Variants in CFAP251 observed in about 807,000 individuals in gnomAD.
CFAP251 encodes the protein cilia- and flagella-associated protein 251.
A neutral mutation model predicts 126.7 loss-of-function variants in CFAP251; 93 were observed. The observed-to-expected ratio is 0.73, with a 90% CI of 0.62 to 0.87. The LOEUF (loss-of-function observed/expected upper bound fraction) is 0.87, where lower values mean the gene tolerates loss of function less well. Ranked by LOEUF, CFAP251 falls within the 40% of genes least tolerant of loss-of-function variation. The probability of loss-of-function intolerance (pLI) is 0.00; values close to 1 mark genes in which losing one functional copy is unlikely to be tolerated. For missense variants in CFAP251, 1,287 were observed against 1,389.2 expected (o/e 0.93, Z 1.17); for synonymous variants, 503 against 506.9 (o/e 0.99, Z 0.10).
Position 121,990,478 on chromosome 12 carries a change from G to A in CFAP251, c.3007-9238G>A, listed in dbSNP as rs185043143. On this transcript the variant is annotated intron_variant, in intron 19 of 21. Coordinates refer to ENST00000288912, the MANE Select transcript of CFAP251 (RefSeq NM_144668.6). ...GAATTGGGTGCATGGGCTCGGGGTG[G>A]GCACCTCCTCTGCACCCTCCTCCTC... 1.3e-3 allele frequency among the ~76,000 whole-genome samples: 197 copies of A among 152,240 alleles called. 1 individual carries two copies. Among genetic ancestry groups the A allele is most frequent in the African/African-American group, 4.2e-3 (173 of 41,532 alleles).
chr12:121,933,938 G>A (rs1326158738), intron 4 of CFAP251, among the ~76,000 whole-genome samples: 1 of 152,198 alleles, frequency 6.6e-6, no homozygotes, highest in African/African-American at 2.4e-5. Flanking sequence ...GACTCAGAGT[G>A]GCTGGGGGAG....
At chr12:121,954,045 A>G in intron 9 of CFAP251, 75 bp from the exon 10 acceptor site, 2 of 1,274,426 alleles carry the variant, frequency 1.6e-6, no homozygotes, top group East Asian at 2.3e-5. Context: ...GCATAGCATT[A>G]TAAAATATCG....
Position 121,960,751 on chromosome 12 carries a change from G to A in CFAP251, c.2300G>A (p.Arg767Lys), listed in dbSNP as rs756242508. The change falls in exon 14 of 22, where the codon AGG becomes AAG. Residue 767 changes from arginine to lysine, a missense_variant. Arg to Lys is a conservative substitution (Grantham distance 26). Coordinates refer to ENST00000288912, the MANE Select transcript of CFAP251 (RefSeq NM_144668.6). ...EPRLLSLGTD[R>K]LLIEYDLLRS... ...AGACTGCTGAGCCTTGGGACAGACA[G>A]GCTCTTGGTGAGCTGTTTAGTTTTC... 2 of 1,613,068 alleles carry A rather than the reference G, an allele frequency of 1.2e-6. No homozygotes were observed. Among genetic ancestry groups the A allele is most frequent in the East Asian group, 4.5e-5 (2 of 44,874 alleles).
intron 19 of CFAP251, among the ~76,000 whole-genome samples, chr12:121,986,535 G>A (rs1312881487): frequency 6.9e-6 from 1 of 144,148 alleles, no homozygotes; most frequent in Non-Finnish European, 1.5e-5. Flanking sequence ...CACTGACCTC[G>A]TGATCCTCCC....
chr12:121,977,883 C>T (rs1297936495), intron 19 of CFAP251, among the ~76,000 whole-genome samples: 2 of 150,742 alleles, frequency 1.3e-5, no homozygotes, highest in East Asian at 3.9e-4. Flanking sequence ...GGCGTGAACC[C>T]GGGAGGCGGA....
intron 19 of CFAP251, among the ~76,000 whole-genome samples, chr12:121,977,307 A>C (rs954489075): frequency 3.3e-5 from 5 of 152,238 alleles, no homozygotes; most frequent in African/African-American, 1.2e-4. Flanking sequence ...TCATATATGC[A>C]ATCTGTCATT....
intron 3 of CFAP251, among the ~76,000 whole-genome samples, chr12:121,925,871 G>A (rs1880388297): frequency 6.6e-6 from 1 of 152,052 alleles, no homozygotes; most frequent in Non-Finnish European, 1.5e-5. Flanking sequence ...TTGAGGTGGA[G>A]TCTTGCTCTG....
intron 14 of CFAP251, among the ~76,000 whole-genome samples, chr12:121,961,151 G>C (rs576769376): frequency 2.2e-4 from 33 of 152,280 alleles, no homozygotes; most frequent in South Asian, 4.1e-4. Context: ...TGTGAGATAA[G>C]AGGAAAAGGT....
At chr12:121,996,371 GC>G (rs1883021834) in intron 19 of CFAP251, among the ~76,000 whole-genome samples, 1 of 152,152 alleles carries the variant, frequency 6.6e-6, no homozygotes, top group Non-Finnish European at 1.5e-5. Flanking sequence ...CTAATTCCTA[GC>G]CCTTTCACTG....
At chr12:121,962,699 G>GA (rs4069667) in intron 15 of CFAP251, among the ~76,000 whole-genome samples, 11 of 114,164 alleles carry the variant, frequency 9.6e-5, no homozygotes, top group African/African-American at 2.5e-4. Flanking sequence ...GTGCAAAGAA[G>GA]AAAAAAAAAA....
rs996875905 is a variant in CFAP251, at chr12:121,968,867, C to T, written c.2771+698C>T. ...ACTCGGCAAGTGAATGATTTCCTTT[C>T]GTCTCTTCTTCCTGTAAGGGCATTT... On this transcript the variant is annotated intron_variant, in intron 17 of 21. Coordinates refer to ENST00000288912, the MANE Select transcript of CFAP251 (RefSeq NM_144668.6). 12 of 983,270 alleles carry T rather than the reference C, an allele frequency of 1.2e-5. No individual in the cohort carries two copies. The African/African-American group carries it at 1.7e-4, about 14-fold the overall frequency. 60.9% of individuals were successfully genotyped at this position (983,270 alleles called of 1,614,324 possible).
intron 19 of CFAP251, among the ~76,000 whole-genome samples, chr12:121,985,540 A>G (rs1040433955): frequency 1.3e-5 from 2 of 151,198 alleles, no homozygotes; most frequent in Admixed American, 1.3e-4. Context: ...CATCTCAAAA[A>G]AAAAAAAAAA....
At chr12:121,969,760 A>T (rs1490718828) in intron 17 of CFAP251, 1 of 985,096 alleles carries the variant, frequency 1.0e-6, no homozygotes, top group Non-Finnish European at 1.2e-6. Flanking sequence ...TACAGATGTG[A>T]GCCACTGCAC....
At chr12:121,946,830 C>G (rs1173463143) in intron 7 of CFAP251, among the ~76,000 whole-genome samples, 2 of 152,048 alleles carry the variant, frequency 1.3e-5, no homozygotes, top group Non-Finnish European at 1.5e-5. Context: ...CTTCCCACCT[C>G]AGTCTCCCAA....
intron 5 of CFAP251, among the ~76,000 whole-genome samples, chr12:121,937,322 C>G (rs1468331592): frequency 2.6e-5 from 4 of 152,216 alleles, no homozygotes; most frequent in Non-Finnish European, 5.9e-5. Context: ...ATGCATCCAT[C>G]TGTGTCTTCT....
In CFAP251 at chr12:121,968,096, T is replaced by A; in HGVS notation, c.2698T>A (p.Ser900Thr). 1 of 1,613,776 alleles carries A rather than the reference T, an allele frequency of 6.2e-7. No homozygotes were observed. The highest frequency in any genetic ancestry group is 8.5e-7 in the Non-Finnish European group (1 of 1,179,724). ...GAACGGGGTGGCCGGCATGGCCGTTTCCTATGATGGCTGCTACGCCTTCAC... is the reference window on the plus strand; with the variant it reads ...GAACGGGGTGGCCGGCATGGCCGTTACCTATGATGGCTGCTACGCCTTCAC... ...HPNGVAGMAVSYDGCYAFTAG... is the reference protein window; with the variant it reads ...HPNGVAGMAVTYDGCYAFTAG... The change falls in exon 17 of 22, where the codon TCC becomes ACC. Residue 900 changes from serine to threonine, a missense_variant. Physicochemically the swap from Ser to Thr is moderately conservative, Grantham distance 58. Transcript: ENST00000288912.
chr12:122,001,853 C>T (rs574894317), intron 21 of CFAP251: 9 of 496,700 alleles, frequency 1.8e-5, no homozygotes, highest in South Asian at 1.3e-4. Context: ...GTCATCTTGC[C>T]GGCTTGGGTG....
chr12:121,954,807 T>C (rs1385309309), intron 10 of CFAP251, among the ~76,000 whole-genome samples: 1 of 152,050 alleles, frequency 6.6e-6, no homozygotes, highest in Non-Finnish European at 1.5e-5. Flanking sequence ...TACTTCTTTT[T>C]ATAGTTCCAT....
At chr12:121,967,198 AGCTGTGATACTGAAAATT>A in intron 16 of CFAP251, 129 bp downstream of exon 16, 1 of 770,478 alleles carries the variant, frequency 1.3e-6, no homozygotes, top group Non-Finnish European at 2.1e-6. Context: ...CACCCCAGTC[AGCTGTGATACTGAAAATT>A]GCCCTTGATG....
Sources: gnomAD v4.1 joint callset for allele counts (sites outside exome capture counted in the v4.1 genomes callset) on GRCh38, gnomAD v4.1.1 for gene constraint, MANE v1.5 for transcripts, NCBI Gene and HGNC (gene_info 2026-07-23, HGNC 2026-07-21) for gene names.